The following TMEM232 variants were observed in gnomAD, a reference collection of about 807,000 sequenced individuals.
TMEM232 encodes the protein transmembrane protein 232.
A neutral mutation model predicts 78.8 loss-of-function variants in TMEM232; 80 were observed. That is an observed-to-expected ratio of 1.01 (90% confidence interval 0.85 to 1.22). TMEM232 has a LOEUF of 1.22. Among genes scored for constraint, TMEM232 ranks in the 50% most tolerant of loss-of-function variants. TMEM232 has a pLI of 0.00. For missense variants in TMEM232, 881 were observed against 742.2 expected (o/e 1.19, Z -2.17); for synonymous variants, 297 against 254.3 (o/e 1.17, Z -1.60).
At chr5:110,394,797 T>A (rs1282874805) in intron 3 of TMEM232, among the ~76,000 whole-genome samples, 1 of 152,156 alleles carries the variant, frequency 6.6e-6, no homozygotes, top group South Asian at 2.1e-4. Context: ...GCTAGAGGGC[T>A]TTTTCTGAAA....
At chr5:110,461,133 A>T in intron 12 of TMEM232, among the ~76,000 whole-genome samples, 1 of 152,166 alleles carries the variant, frequency 6.6e-6, no homozygotes, top group Non-Finnish European at 1.5e-5. Flanking sequence ...AGAAAGACAT[A>T]TGAAAACTGC....
At chr5:110,399,123 A>G (rs921509895) in intron 2 of TMEM232, among the ~76,000 whole-genome samples, 1 of 152,114 alleles carries the variant, frequency 6.6e-6, no homozygotes, top group Non-Finnish European at 1.5e-5. Flanking sequence ...ATGACACACC[A>G]TCTAAACTAG....
chr5:110,679,042 T>G (rs1212820964), intron 1 of TMEM232, among the ~76,000 whole-genome samples: 1 of 152,198 alleles, frequency 6.6e-6, no homozygotes, highest in Non-Finnish European at 1.5e-5. Context: ...ACAAGCAGCA[T>G]GATTGCTGTA....
chr5:110,627,709 TATAGTG>T, intron 6 of TMEM232, 66 bp downstream of exon 6: 1 of 1,071,594 alleles, frequency 9.3e-7, no homozygotes, highest in Non-Finnish European at 1.3e-6. Context: ...TTACGTTCTT[TATAGTG>T]ACAGTCTGAG....
At chr5:110,611,752 A>T (rs1470790962) in intron 8 of TMEM232, among the ~76,000 whole-genome samples, 1 of 152,154 alleles carries the variant, frequency 6.6e-6, no homozygotes, top group Non-Finnish European at 1.5e-5. Context: ...AGCATAGTGT[A>T]TGACAGATTG....
intron 1 of TMEM232, among the ~76,000 whole-genome samples, chr5:110,696,042 C>CA (rs1794742107): frequency 6.6e-6 from 1 of 152,078 alleles, no homozygotes; most frequent in South Asian, 2.1e-4. Flanking sequence ...AACATTGATG[C>CA]AAAAATCCTC....
At chr5:110,434,461 A>G (rs1758194847) in intron 12 of TMEM232, among the ~76,000 whole-genome samples, 1 of 151,538 alleles carries the variant, frequency 6.6e-6, no homozygotes, top group Non-Finnish European at 1.5e-5. Context: ...TGAATAAGTA[A>G]TAATAATAAT....
intron 12 of TMEM232, among the ~76,000 whole-genome samples, chr5:110,431,349 C>G (rs573066678): frequency 6.6e-6 from 1 of 151,596 alleles, no homozygotes; most frequent in South Asian, 2.1e-4. Context: ...AATTTACACT[C>G]TGGCGTTATG....
chr5:110,403,526 CTCAGAAGATTTTAAAATTATA>C (rs1423814398), intron 2 of TMEM232, among the ~76,000 whole-genome samples: 1 of 151,994 alleles, frequency 6.6e-6, no homozygotes, highest in East Asian at 1.9e-4. Context: ...CCATTCATAG[CTCAGAAGATTTTAAAATTATA>C]TCAGAAGATA....
At chr5:110,406,284 AC>A (rs1755789795) in intron 2 of TMEM232, among the ~76,000 whole-genome samples, 1 of 151,454 alleles carries the variant, frequency 6.6e-6, no homozygotes, top group Non-Finnish European at 1.5e-5. Flanking sequence ...ACACACACAC[AC>A]ACACACACAC....
chr5:110,503,036 A>C (rs891185352), intron 12 of TMEM232, among the ~76,000 whole-genome samples: 1 of 151,990 alleles, frequency 6.6e-6, no homozygotes. Flanking sequence ...TGGGGAGCAT[A>C]TTTTTCTTGT....
chr5:110,698,956 C>A (rs1795127196), intron 1 of TMEM232, among the ~76,000 whole-genome samples: 1 of 152,014 alleles, frequency 6.6e-6, no homozygotes, highest in Non-Finnish European at 1.5e-5. Context: ...GCCCAAATCT[C>A]AGATATTCTT....
chr5:110,530,154 A>G (rs887376328), intron 11 of TMEM232, among the ~76,000 whole-genome samples: 9 of 152,222 alleles, frequency 5.9e-5, no homozygotes, highest in Admixed American at 5.2e-4. Flanking sequence ...TTATTGAATT[A>G]TTTAGACAAA....
At chr5:110,721,286 C>T (rs1797575197) in intron 1 of TMEM232, among the ~76,000 whole-genome samples, 1 of 151,976 alleles carries the variant, frequency 6.6e-6, no homozygotes, top group Admixed American at 6.6e-5. Flanking sequence ...AAATGTAGCC[C>T]TGGCATTCAG....
chr5:110,682,230 CT>C (rs1371273381), intron 1 of TMEM232, among the ~76,000 whole-genome samples: 1 of 151,928 alleles, frequency 6.6e-6, no homozygotes, highest in Non-Finnish European at 1.5e-5. Flanking sequence ...TTAAAATATC[CT>C]TTTTATTTTC....
At chr5:110,543,176 C>G (rs1773371747) in intron 11 of TMEM232, among the ~76,000 whole-genome samples, 1 of 152,100 alleles carries the variant, frequency 6.6e-6, no homozygotes, top group South Asian at 2.1e-4. Flanking sequence ...TCCTGATGCT[C>G]ATTTCATCAT....
intron 10 of TMEM232, among the ~76,000 whole-genome samples, chr5:110,594,542 G>C (rs1016621795): frequency 2.0e-5 from 3 of 152,178 alleles, no homozygotes; most frequent in African/African-American, 7.2e-5. Flanking sequence ...AGCCCAGCAA[G>C]CCAAGAACTA....
chr5:110,654,129 T>A (rs1337406043), intron 2 of TMEM232, among the ~76,000 whole-genome samples: 1 of 152,172 alleles, frequency 6.6e-6, no homozygotes, highest in African/African-American at 2.4e-5. Context: ...TGTTCGTTAT[T>A]AACAGTCCCT....
At chr5:110,399,371 G>T (rs961500455) in intron 2 of TMEM232, among the ~76,000 whole-genome samples, 2 of 152,058 alleles carry the variant, frequency 1.3e-5, no homozygotes, top group Non-Finnish European at 2.9e-5. Context: ...CTCCTCCGAA[G>T]TTTTTTGAAA....
Sources: gnomAD v4.1 joint callset for allele counts (sites outside exome capture counted in the v4.1 genomes callset) on GRCh38, gnomAD v4.1.1 for gene constraint, MANE v1.5 for transcripts, NCBI Gene and HGNC (gene_info 2026-07-23, HGNC 2026-07-21) for gene names.